NME7: variants seen among roughly 807,000 people sequenced by gnomAD.
The protein encoded by NME7 is NME/NM23 family member 7.
In NME7, 41 loss-of-function variants were observed where a neutral mutation model predicts 49.1. That is an observed-to-expected ratio of 0.83 (90% confidence interval 0.65 to 1.08). The LOEUF is 1.08. NME7 is among the 50% of genes least tolerant of loss of function. NME7 has a pLI of 0.00. For synonymous variants in NME7, 139 were observed against 150.6 expected, an observed-to-expected ratio of 0.92 and a Z score of 0.56; for missense variants, 423 against 463.4, an observed-to-expected ratio of 0.91 and a Z score of 0.80.
chr1:169,147,331 C>T (rs1046471551), intron 11 of NME7, among the ~76,000 whole-genome samples: 11 of 152,166 alleles, frequency 7.2e-5, no homozygotes, highest in Non-Finnish European at 1.6e-4. Flanking sequence ...CCCATCCTAT[C>T]ATGAACTCTA....
intron 3 of NME7, among the ~76,000 whole-genome samples, chr1:169,314,803 A>C (rs1267775095): frequency 2.0e-5 from 3 of 152,092 alleles, no homozygotes; most frequent in African/African-American, 7.2e-5. Flanking sequence ...ACAAAAACTA[A>C]TGAAAGGCAC....
intron 11 of NME7, among the ~76,000 whole-genome samples, chr1:169,166,191 A>G (rs3766057): frequency 0.6 from 90,926 of 151,898 alleles, 27,699 homozygotes; most frequent in East Asian, 0.93. Context: ...GTCTCATTAA[A>G]TAAAAGTCTC....
chr1:169,343,038 T>TG (rs1652835012), intron 1 of NME7, among the ~76,000 whole-genome samples: 2 of 146,110 alleles, frequency 1.4e-5, no homozygotes, highest in African/African-American at 5.0e-5. Flanking sequence ...TACATACCTG[T>TG]GTCCAGCTAG....
intron 10 of NME7, among the ~76,000 whole-genome samples, chr1:169,228,683 C>CA (rs747705690): frequency 0.016 from 1,432 of 88,810 alleles, 27 homozygotes; most frequent in African/African-American, 0.048. Context: ...GACTCCGTCT[C>CA]AAAAAAAAAA....
chr1:169,212,920 T>A (rs1660869210), intron 10 of NME7, among the ~76,000 whole-genome samples: 2 of 152,162 alleles, frequency 1.3e-5, no homozygotes, highest in Admixed American at 1.3e-4. Flanking sequence ...TGAGCCACTA[T>A]ACCTGGCTAT....
chr1:169,149,447 T>G (rs928548840), intron 11 of NME7, among the ~76,000 whole-genome samples: 1 of 152,178 alleles, frequency 6.6e-6, no homozygotes, highest in Non-Finnish European at 1.5e-5. Flanking sequence ...TATTACAGTA[T>G]TTCCCCCTTA....
intron 7 of NME7, among the ~76,000 whole-genome samples, chr1:169,281,894 T>C (rs1038306920): frequency 6.6e-6 from 1 of 152,206 alleles, no homozygotes; most frequent in Non-Finnish European, 1.5e-5. Flanking sequence ...ATCAGGGATA[T>C]TGGCCTGAAA....
chr1:169,213,356 A>G (rs1660885403), intron 10 of NME7, among the ~76,000 whole-genome samples: 1 of 139,574 alleles, frequency 7.2e-6, no homozygotes, highest in Non-Finnish European at 1.6e-5. Flanking sequence ...AATGAGAATG[A>G]ACTGCACAGG....
At chr1:169,147,934 C>T (rs914935379) in intron 11 of NME7, among the ~76,000 whole-genome samples, 2 of 152,120 alleles carry the variant, frequency 1.3e-5, no homozygotes, top group Non-Finnish European at 2.9e-5. Context: ...CAGAAAATTG[C>T]TCATACAATA....
Position 169,274,727 on chromosome 1 carries a change from C to A in NME7, c.754+12576G>T, listed in dbSNP as rs531338590. Among the ~76,000 whole-genome samples, 332 of 133,770 alleles carry A rather than the reference C, an allele frequency of 2.5e-3. 40 individuals are homozygous for A. Among genetic ancestry groups the A allele is most frequent in the African/African-American group, 8.1e-3 (322 of 39,634 alleles). 87.8% of individuals were successfully genotyped at this position (133,770 alleles called of 152,430 possible). A position where few individuals can be genotyped will look rare whatever the true frequency, so the allele number is the denominator to read the frequency against. On this transcript the variant is annotated intron_variant, in intron 7 of 11. Coordinates refer to ENST00000367811, the MANE Select transcript of NME7 (RefSeq NM_013330.5). ...AGCACCACTTATTAAATAGGGAATC[C>A]TTTTCCCATTGCTTGTTTTTCTCAG... is the stretch of plus-strand genomic sequence containing the variant.
At chr1:169,239,161 G>C (rs1477181726) in intron 7 of NME7, among the ~76,000 whole-genome samples, 2 of 152,002 alleles carry the variant, frequency 1.3e-5, no homozygotes, top group Non-Finnish European at 2.9e-5. Flanking sequence ...TAATGCAATA[G>C]TGATGAGCAA....
At chr1:169,332,039 T>G (rs1652275457) in intron 1 of NME7, among the ~76,000 whole-genome samples, 1 of 151,850 alleles carries the variant, frequency 6.6e-6, no homozygotes, top group Non-Finnish European at 1.5e-5. Flanking sequence ...AGAACAAAAC[T>G]GAAAAAATCA....
chr1:169,185,237 C>G (rs1031956462), intron 10 of NME7, among the ~76,000 whole-genome samples: 2 of 152,156 alleles, frequency 1.3e-5, no homozygotes, highest in Admixed American at 6.6e-5. Context: ...AAATAAGACA[C>G]GACAATTCAA....
chr1:169,355,150 C>T (rs190088133), intron 1 of NME7, among the ~76,000 whole-genome samples: 1,250 of 15,906 alleles, frequency 0.079, 243 homozygotes, highest in African/African-American at 0.21. Flanking sequence ...ATATAATATA[C>T]TATATATTAT....
chr1:169,149,982 G>C (rs561496812), intron 11 of NME7, among the ~76,000 whole-genome samples: 1 of 152,248 alleles, frequency 6.6e-6, no homozygotes, highest in African/African-American at 2.4e-5. Flanking sequence ...GTCCCTTCAT[G>C]ATTCTTAATC....
At chr1:169,132,860 T>C (rs1427852804) in intron 11 of NME7, 43 bp from the exon 12 acceptor site, 1 of 1,602,668 alleles carries the variant, frequency 6.2e-7, no homozygotes, top group Non-Finnish European at 8.5e-7. Flanking sequence ...AGACAAATTT[T>C]GGTCTTTTCC....
intron 6 of NME7, among the ~76,000 whole-genome samples, chr1:169,288,088 C>G (rs1350861385): frequency 6.6e-6 from 1 of 152,156 alleles, no homozygotes; most frequent in Non-Finnish European, 1.5e-5. Context: ...AACCCTCTGA[C>G]TCAAGCTCCA....
chr1:169,258,927 C>T lies in NME7; in HGVS notation c.755-21240G>A, dbSNP rs79081365. Among the ~76,000 whole-genome samples, 814 of 132,634 alleles carry T rather than the reference C, an allele frequency of 6.1e-3. 194 individuals carry two copies. The highest frequency in any genetic ancestry group is 0.027 in the Middle Eastern group (7 of 258). 87.0% of individuals were successfully genotyped at this position (132,634 alleles called of 152,430 possible). A position where few individuals can be genotyped will look rare whatever the true frequency, so the allele number is the denominator to read the frequency against. On this transcript the variant is annotated intron_variant, in intron 7 of 11. Transcript: ENST00000367811. ...AAATCAGATACTTTGGAGTCAGGGC[C>T]CAGGAATCTATATTTAATCCAAGTG...
chr1:169,192,494 C>T (rs1660261379), intron 10 of NME7, among the ~76,000 whole-genome samples: 1 of 152,038 alleles, frequency 6.6e-6, no homozygotes. Context: ...AGATCATATG[C>T]AATTACTACA....
Sources: allele counts gnomAD v4.1 joint callset (sites outside exome capture counted in the v4.1 genomes callset), GRCh38; gene constraint gnomAD v4.1.1; transcripts MANE v1.5; gene names NCBI Gene and HGNC (gene_info 2026-07-23, HGNC 2026-07-21).